LYRM4: variants seen among roughly 807,000 people sequenced by gnomAD.
The protein encoded by LYRM4 is LYR motif-containing protein 4.
In LYRM4, 9 loss-of-function variants were observed where a neutral mutation model predicts 11.7. The ratio of observed to expected loss-of-function variants is 0.77; its 90% CI spans 0.46 to 1.34. LYRM4 has a LOEUF of 1.34. Ranked by LOEUF, LYRM4 falls within the 40% of genes most tolerant of loss-of-function variation. The pLI is 0.00. For missense variants in LYRM4, 133 were observed against 112.5 expected (o/e 1.18, Z -0.82); for synonymous variants, 42 against 40.4 (o/e 1.04, Z -0.15).
chr6:5,257,285 A>AGTGCT (rs1277446427), intron 1 of LYRM4, among the ~76,000 whole-genome samples: 1 of 152,020 alleles, frequency 6.6e-6, no homozygotes, highest in Non-Finnish European at 1.5e-5. Context: ...CCTCCCTGGC[A>AGTGCT]GTGCTGTGCT....
the LYRM4 span, among the ~76,000 whole-genome samples, chr6:5,092,654 G>T: frequency 2.0e-5 from 3 of 152,264 alleles, no homozygotes; most frequent in South Asian, 4.1e-4. Context: ...GGAAGCAGAG[G>T]TTGCAGTGAG....
intron 2 of LYRM4, among the ~76,000 whole-genome samples, chr6:5,199,872 T>C (rs960775651): frequency 6.6e-6 from 1 of 152,224 alleles, no homozygotes; most frequent in South Asian, 2.1e-4. Flanking sequence ...GTCTCCTTGC[T>C]GCCCCCAAGG....
the LYRM4 span, among the ~76,000 whole-genome samples, chr6:5,090,736 CCACAGCCTTCCTGCT>C: frequency 6.6e-6 from 1 of 152,190 alleles, no homozygotes; most frequent in Non-Finnish European, 1.5e-5. The surrounding 1 kb of genome is among the most constrained non-coding windows in gnomAD (Gnocchi z 4.8). Flanking sequence ...AGGAGGCCGC[CCACAGCCTTCCTGCT>C]CAGTTCATTT....
intron 2 of LYRM4, among the ~76,000 whole-genome samples, chr6:5,160,012 C>G (rs774550755): frequency 6.6e-6 from 1 of 152,172 alleles, no homozygotes; most frequent in African/African-American, 2.4e-5. Context: ...CTTCAGCTTA[C>G]GGCTGATCTT....
At chr6:5,249,639 T>C (rs1764343799) in intron 1 of LYRM4, among the ~76,000 whole-genome samples, 2 of 152,238 alleles carry the variant, frequency 1.3e-5, no homozygotes, top group African/African-American at 4.8e-5. Context: ...GCAACTTGCA[T>C]TCCTATCACA....
At chr6:5,237,359 C>A (rs536236290) in intron 1 of LYRM4, among the ~76,000 whole-genome samples, 2 of 151,794 alleles carry the variant, frequency 1.3e-5, no homozygotes, top group Non-Finnish European at 2.9e-5. Context: ...AATCTAACGC[C>A]TGAAGATCTG....
chr6:5,079,424 A>G, the LYRM4 span, among the ~76,000 whole-genome samples: 1 of 152,218 alleles, frequency 6.6e-6, no homozygotes. Context: ...TTTTAGGTAG[A>G]AAGGGGAAGT....
the LYRM4 span, among the ~76,000 whole-genome samples, chr6:5,067,861 T>C: frequency 6.6e-6 from 1 of 152,210 alleles, no homozygotes; most frequent in Non-Finnish European, 1.5e-5. Context: ...TTAGCCATCA[T>C]AATAGTGAAA....
chr6:5,108,857 A>G lies in LYRM4; in HGVS notation c.*566T>C. 1 of 986,494 alleles carries G rather than the reference A, an allele frequency of 1.0e-6. No homozygotes were observed. Among genetic ancestry groups the G allele is most frequent in the Non-Finnish European group, 1.2e-6 (1 of 830,462 alleles). 61.1% of individuals were successfully genotyped at this position (986,494 alleles called of 1,614,324 possible). On this transcript the variant is annotated 3_prime_UTR_variant, in exon 3 of 3. Transcript: ENST00000330636. ...CCGTCACCTTTGTTGTACTGGGCTC[A>G]GGTATAAGTTGCAGGGTGCACCGTG...
chr6:5,198,375 C>G (rs1761194850), intron 2 of LYRM4, among the ~76,000 whole-genome samples: 1 of 152,106 alleles, frequency 6.6e-6, no homozygotes, highest in African/African-American at 2.4e-5. Context: ...TCAGGTTTGT[C>G]AAGAAGAATC....
rs1762762431 is a variant in LYRM4 at position 5,109,113 on chromosome 6, A to C, written c.*310T>G. 8.7e-7 allele frequency: 1 copy of C among 1,145,534 alleles called. No individual in the cohort carries two copies. The highest frequency in any genetic ancestry group is 3.4e-5 in the South Asian group (1 of 29,282). 71.0% of individuals were successfully genotyped at this position (1,145,534 alleles called of 1,614,324 possible). A position where few individuals can be genotyped will look rare whatever the true frequency, so the allele number is the denominator to read the frequency against. Reference sequence around the variant, plus strand: ...TTTTATTGCCAAGGACCAAGAAACAAAGTGTAGAAATGCTATACACAATGG... The same window carrying C: ...TTTTATTGCCAAGGACCAAGAAACACAGTGTAGAAATGCTATACACAATGG... On this transcript the variant is annotated 3_prime_UTR_variant, in exon 3 of 3. Coordinates refer to ENST00000330636, the MANE Select transcript of LYRM4 (RefSeq NM_020408.6).
chr6:5,059,340 CAAA>C, the LYRM4 span, among the ~76,000 whole-genome samples: 6 of 85,994 alleles, frequency 7.0e-5, no homozygotes, highest in Admixed American at 2.6e-4. Context: ...CGCCCTGTCT[CAAA>C]AAAAAAAAAA....
the LYRM4 span, among the ~76,000 whole-genome samples, chr6:5,083,751 T>TA: frequency 1.3e-5 from 2 of 152,334 alleles, no homozygotes; most frequent in African/African-American, 4.8e-5. Context: ...CCAACATGGC[T>TA]AAAACCCTGG....
chr6:5,227,994 G>A (rs1762993648), intron 1 of LYRM4, among the ~76,000 whole-genome samples: 1 of 152,142 alleles, frequency 6.6e-6, no homozygotes, highest in Middle Eastern at 3.2e-3. Context: ...GGGGTGGGGG[G>A]CTAGGAGAGG....
In LYRM4 at chr6:5,182,633, A is replaced by G. The variant is rs137856902; in HGVS notation, c.207+33985T>C. Among the ~76,000 whole-genome samples the G allele has an allele frequency of 1.5e-3, 233 of 152,372 alleles. 1 individual carries two copies. The highest frequency in any genetic ancestry group is 6.8e-3 in the Middle Eastern group (2 of 294). On this transcript the variant is annotated intron_variant, in intron 2 of 2. Transcript: ENST00000330636. The stretch of plus-strand genomic sequence containing the variant: ...TTCATCCTAAGAGTGGTTTAGAACA[A>G]TGACTTTAGGAGAGCCCAGGGGCTC...
intron 1 of LYRM4, among the ~76,000 whole-genome samples, chr6:5,241,778 T>G (rs571634211): frequency 6.6e-6 from 1 of 152,318 alleles, no homozygotes; most frequent in Admixed American, 6.5e-5. Flanking sequence ...AGGCATATGT[T>G]ATATATCAAT....
rs1262629753 is a variant in LYRM4 at position 5,144,241 on chromosome 6, C to T, written c.208-34750G>A. The T allele has an allele frequency of 2.8e-5, 43 of 1,536,832 alleles. No individual in the cohort carries two copies. The East Asian group carries it at 2.9e-4, about 10-fold the overall frequency. On this transcript the variant is annotated intron_variant, in intron 2 of 2. Coordinates refer to ENST00000330636, the MANE Select transcript of LYRM4 (RefSeq NM_020408.6). Reference sequence around the variant, plus strand: ...CTGCTGTTCCCCGACTTCCTCCTGGCGGCTGTGCCTTGCTCAGCTACCTGC... The same window carrying T: ...CTGCTGTTCCCCGACTTCCTCCTGGTGGCTGTGCCTTGCTCAGCTACCTGC...
chr6:5,091,488 G>A, the LYRM4 span, among the ~76,000 whole-genome samples: 2 of 152,192 alleles, frequency 1.3e-5, no homozygotes, highest in East Asian at 1.9e-4. Context: ...GCTAAATACC[G>A]TAACTTCAGG....
intron 2 of LYRM4, among the ~76,000 whole-genome samples, chr6:5,153,861 A>T (rs1465099312): frequency 6.6e-6 from 1 of 152,212 alleles, no homozygotes; most frequent in Non-Finnish European, 1.5e-5. Context: ...TTAAAACAGC[A>T]AACAGAGAGC....
Sources: gnomAD v4.1 joint callset for allele counts (sites outside exome capture counted in the v4.1 genomes callset) on GRCh38, gnomAD v4.1.1 for gene constraint, Gnocchi (gnomAD v3.1) non-coding constraint, MANE v1.5 for transcripts, NCBI Gene and HGNC (gene_info 2026-07-23, HGNC 2026-07-21) for gene names.